The following NRG1 variants were observed in gnomAD, a reference collection of about 807,000 sequenced individuals.
NRG1 encodes pro-neuregulin-1, membrane-bound isoform.
NRG1 carries 18 observed loss-of-function variants against 63.8 expected under a neutral mutation model. The ratio of observed to expected loss-of-function variants is 0.28; its 90% CI spans 0.19 to 0.42. NRG1 has a LOEUF of 0.42. Among genes scored for constraint, NRG1 ranks in the 10% least tolerant of loss-of-function variants. The pLI is 1.00. For missense variants in NRG1, 762 were observed against 814.7 expected, an observed-to-expected ratio of 0.94 and a Z score of 0.79; for synonymous variants, 302 against 301.3, an observed-to-expected ratio of 1.00 and a Z score of -0.02.
chr8:32,327,064 G>A (rs968157121), intron 1 of NRG1, among the ~76,000 whole-genome samples: 3 of 152,204 alleles, frequency 2.0e-5, no homozygotes, highest in African/African-American at 7.2e-5. Flanking sequence ...CCAGCCCTGT[G>A]CTGGACCGAA....
chr8:32,167,664 A>G (rs935576214), intron 1 of NRG1, among the ~76,000 whole-genome samples: 3 of 152,212 alleles, frequency 2.0e-5, no homozygotes, highest in Admixed American at 6.5e-5. Context: ...ATGGGAGAGT[A>G]CATGATTTAT....
intron 1 of NRG1, among the ~76,000 whole-genome samples, chr8:31,829,011 C>G (rs964967680): frequency 2.0e-5 from 3 of 152,184 alleles, no homozygotes; most frequent in Non-Finnish European, 4.4e-5. Context: ...GAGACAGGGC[C>G]TCTTTGAAGA....
At chr8:32,000,673 CTTTG>C (rs1812781503) in intron 1 of NRG1, among the ~76,000 whole-genome samples, 1 of 152,000 alleles carries the variant, frequency 6.6e-6, no homozygotes, top group Non-Finnish European at 1.5e-5. Flanking sequence ...TCCTTTCCTA[CTTTG>C]TTTATTTTGC....
chr8:31,871,346 C>G (rs1173956460), intron 1 of NRG1, among the ~76,000 whole-genome samples: 1 of 152,170 alleles, frequency 6.6e-6, no homozygotes, highest in East Asian at 1.9e-4. Flanking sequence ...GACCCAACCC[C>G]AGCTCTGTTG....
downstream of NRG1, among the ~76,000 whole-genome samples, chr8:32,768,267 C>T (rs1187036362): frequency 6.6e-6 from 1 of 152,214 alleles, no homozygotes; most frequent in Non-Finnish European, 1.5e-5. Flanking sequence ...CTGCCTGGAT[C>T]CTGGCTGTTG....
chr8:32,339,598 A>G (rs1456505467), intron 1 of NRG1, among the ~76,000 whole-genome samples: 2 of 152,224 alleles, frequency 1.3e-5, no homozygotes, highest in African/African-American at 4.8e-5. Context: ...GACTTTTCAT[A>G]TGTTAGACAC....
chr8:31,728,942 G>A (rs1040777890), intron 1 of NRG1, among the ~76,000 whole-genome samples: 1 of 152,176 alleles, frequency 6.6e-6, no homozygotes, highest in Non-Finnish European at 1.5e-5. Context: ...ATGATGTTTT[G>A]TCTGTAAATT....
chr8:32,600,106 G>C (rs1446218928), intron 2 of NRG1, among the ~76,000 whole-genome samples: 1 of 152,068 alleles, frequency 6.6e-6, no homozygotes, highest in African/African-American at 2.4e-5. Context: ...TTGGTACAGT[G>C]ACTGGTTCTG....
chr8:32,321,495 AT>A (rs1009560059), intron 1 of NRG1, among the ~76,000 whole-genome samples: 1 of 148,178 alleles, frequency 6.7e-6, no homozygotes, highest in African/African-American at 2.5e-5. Flanking sequence ...AAAAAAAAAA[AT>A]CTGACAGCAG....
intron 1 of NRG1, among the ~76,000 whole-genome samples, chr8:32,302,428 C>G (rs558323484): frequency 6.6e-6 from 1 of 152,276 alleles, no homozygotes; most frequent in East Asian, 1.9e-4. Context: ...TGTGTGTAAA[C>G]TTACGTGTAG....
At chr8:31,968,774 T>C (rs1320201394) in intron 1 of NRG1, among the ~76,000 whole-genome samples, 1 of 152,180 alleles carries the variant, frequency 6.6e-6, no homozygotes, top group Non-Finnish European at 1.5e-5. Flanking sequence ...CCCTGGTTTT[T>C]AGTTTGAGGG....
intron 1 of NRG1, among the ~76,000 whole-genome samples, chr8:32,328,725 T>C (rs1312789769): frequency 1.3e-5 from 2 of 152,148 alleles, no homozygotes; most frequent in African/African-American, 4.8e-5. Flanking sequence ...CATATTGGTT[T>C]CTGAAGGAGA....
chr8:31,686,878 C>T (rs1035133659), intron 1 of NRG1, among the ~76,000 whole-genome samples: 4 of 152,160 alleles, frequency 2.6e-5, no homozygotes, highest in Non-Finnish European at 2.9e-5. Context: ...AACGATTTCT[C>T]TGTCTCAGCC....
At chr8:32,676,686 G>A (rs1807207285) in intron 5 of NRG1, among the ~76,000 whole-genome samples, 1 of 152,188 alleles carries the variant, frequency 6.6e-6, no homozygotes, top group African/African-American at 2.4e-5. Context: ...AGATAGGCAT[G>A]GATTGAGTTA....
chr8:31,930,818 T>C (rs967206), intron 1 of NRG1, among the ~76,000 whole-genome samples: 136,665 of 152,162 alleles, frequency 0.9, 62,166 homozygotes, highest in African/African-American at 0.97. Flanking sequence ...AAATTTGAAC[T>C]GCACTATATG....
chr8:32,057,095 A>G (rs186728374), intron 1 of NRG1, among the ~76,000 whole-genome samples: 1 of 152,312 alleles, frequency 6.6e-6, no homozygotes, highest in East Asian at 1.9e-4. Context: ...TCTTCACCAT[A>G]AAGATGGCAA....
chr8:32,474,492 TC>T (rs1824237272), intron 1 of NRG1, among the ~76,000 whole-genome samples: 1 of 137,296 alleles, frequency 7.3e-6, no homozygotes, highest in African/African-American at 2.7e-5. Context: ...TCAGTGATAT[TC>T]CCTTTTTTTT....
chr8:32,335,106 A>G (rs1307805860), intron 1 of NRG1, among the ~76,000 whole-genome samples: 2 of 152,200 alleles, frequency 1.3e-5, no homozygotes, highest in Non-Finnish European at 2.9e-5. Context: ...TAGGATTTAA[A>G]CTGAAGTGGT....
In NRG1 at chr8:32,740,393, G is replaced by A. The variant is rs377058133; in HGVS notation, c.633-2282G>A. ...ATATTTTTAGTAGAGACAGGGTTTC[G>A]CCATGTTGGCCAGGCTGGTCTCAAA... On this transcript the variant is annotated intron_variant, in intron 6 of 11. Transcript: ENST00000356819. Among the ~76,000 whole-genome samples the A allele has an allele frequency of 7.2e-5, 11 of 151,848 alleles. No homozygotes were observed. In the South Asian group the frequency reaches 1.3e-3, roughly 17 times the overall value.
Sources: gnomAD v4.1 joint callset for allele counts (sites outside exome capture counted in the v4.1 genomes callset) on GRCh38, gnomAD v4.1.1 for gene constraint, MANE v1.5 for transcripts, NCBI Gene and HGNC (gene_info 2026-07-23, HGNC 2026-07-21) for gene names.